The following DCC variants were observed in gnomAD, a reference collection of about 807,000 sequenced individuals.
The protein encoded by DCC is netrin receptor DCC.
A neutral mutation model predicts 172.5 loss-of-function variants in DCC; 58 were observed. That is an observed-to-expected ratio of 0.34 (90% confidence interval 0.27 to 0.42). The LOEUF (loss-of-function observed/expected upper bound fraction) is 0.42, where lower values mean the gene tolerates loss of function less well. Among genes scored for constraint, DCC ranks in the 10% least tolerant of loss-of-function variants. The probability of loss-of-function intolerance (pLI) is 1.00; values close to 1 mark genes in which losing one functional copy is unlikely to be tolerated. For synonymous variants in DCC, 709 were observed against 644.5 expected (o/e 1.10, Z -1.52); for missense variants, 1,740 against 1,791.0 (o/e 0.97, Z 0.51).
chr18:52,622,686 C>T (rs1470332189), intron 1 of DCC, among the ~76,000 whole-genome samples: 1 of 152,152 alleles, frequency 6.6e-6, no homozygotes, highest in Non-Finnish European at 1.5e-5. Flanking sequence ...GCTCACGCCA[C>T]TTATCCAGGT....
chr18:52,534,159 T>C (rs2032226707), intron 1 of DCC, among the ~76,000 whole-genome samples: 1 of 152,062 alleles, frequency 6.6e-6, no homozygotes, highest in Non-Finnish European at 1.5e-5. Flanking sequence ...TTTTTTTTCA[T>C]ATTAGGATAT....
At chr18:52,586,564 C>T (rs2033678887) in intron 1 of DCC, among the ~76,000 whole-genome samples, 1 of 152,124 alleles carries the variant, frequency 6.6e-6, no homozygotes, top group Non-Finnish European at 1.5e-5. Flanking sequence ...GGCAGCATTC[C>T]TTCCTCTGGA....
chr18:53,068,387 G>A (rs1451405637), intron 7 of DCC, among the ~76,000 whole-genome samples: 5 of 151,640 alleles, frequency 3.3e-5, no homozygotes, highest in African/African-American at 1.2e-4. Flanking sequence ...AGCATTAGAT[G>A]TATCTCCTAA....
At chr18:53,177,931 T>C (rs2055133911) in intron 8 of DCC, among the ~76,000 whole-genome samples, 1 of 152,232 alleles carries the variant, frequency 6.6e-6, no homozygotes, top group Non-Finnish European at 1.5e-5. Context: ...TTTGAAAATC[T>C]AATTTTCCCT....
chr18:52,541,911 G>GTATATATATATATA (rs2032472160), intron 1 of DCC, among the ~76,000 whole-genome samples: 1 of 100,630 alleles, frequency 9.9e-6, no homozygotes, highest in African/African-American at 3.9e-5. Context: ...ATATATATAT[G>GTATATATATATATA]TACACAATCC....
At chr18:52,462,023 A>C (rs1393620610) in intron 1 of DCC, among the ~76,000 whole-genome samples, 1 of 151,326 alleles carries the variant, frequency 6.6e-6, no homozygotes, top group Admixed American at 6.6e-5. Flanking sequence ...ACCATTTTTG[A>C]CTCTTCTGTT....
intron 5 of DCC, among the ~76,000 whole-genome samples, chr18:52,985,124 T>C (rs948676674): frequency 6.6e-6 from 1 of 152,092 alleles, no homozygotes; most frequent in Non-Finnish European, 1.5e-5. Flanking sequence ...CACGTAACTG[T>C]CATTTCAGGA....
intron 5 of DCC, among the ~76,000 whole-genome samples, chr18:52,980,149 AT>A (rs2145602777): frequency 6.6e-6 from 1 of 152,270 alleles, no homozygotes; most frequent in African/African-American, 2.4e-5. Context: ...AAAGATATGC[AT>A]TCTTTATTAG....
chr18:52,434,681 A>T (rs1987733155), intron 1 of DCC, among the ~76,000 whole-genome samples: 1 of 151,352 alleles, frequency 6.6e-6, no homozygotes, highest in African/African-American at 2.4e-5. Context: ...AAAATAGTTT[A>T]GGGTACTTGG....
At chr18:52,418,736 A>G (rs1987134899) in intron 1 of DCC, among the ~76,000 whole-genome samples, 1 of 152,098 alleles carries the variant, frequency 6.6e-6, no homozygotes, top group South Asian at 2.1e-4. Context: ...CTGCTGGCGC[A>G]TGTCATAAGC....
intron 12 of DCC, among the ~76,000 whole-genome samples, chr18:53,270,227 G>T (rs1044030284): frequency 1.3e-5 from 2 of 152,140 alleles, no homozygotes; most frequent in African/African-American, 4.8e-5. Context: ...TACCTCAAAA[G>T]AGTGCTACCC....
intron 1 of DCC, among the ~76,000 whole-genome samples, chr18:52,585,976 G>A (rs938383459): frequency 1.3e-5 from 2 of 150,234 alleles, no homozygotes; most frequent in East Asian, 2.0e-4. Context: ...CCAGCTACTC[G>A]GGAGGCTGAG....
At chr18:52,863,184 C>T (rs1245087073) in intron 2 of DCC, among the ~76,000 whole-genome samples, 1 of 151,934 alleles carries the variant, frequency 6.6e-6, no homozygotes, top group South Asian at 2.1e-4. Flanking sequence ...TTAATGAAAA[C>T]CACATTCTCA....
At chr18:52,630,450 C>T (rs540879470) in intron 1 of DCC, among the ~76,000 whole-genome samples, 30 of 152,214 alleles carry the variant, frequency 2.0e-4, no homozygotes, top group African/African-American at 6.0e-4. Flanking sequence ...TTTCCTTATT[C>T]GTAAGTAGGA....
chr18:53,233,103 G>A (rs2056147801), intron 12 of DCC, among the ~76,000 whole-genome samples: 1 of 151,802 alleles, frequency 6.6e-6, no homozygotes, highest in Non-Finnish European at 1.5e-5. Context: ...GAACTACCTT[G>A]CCTGTTCTTA....
chr18:52,699,547 T>C (rs1012605144), intron 1 of DCC, among the ~76,000 whole-genome samples: 1 of 152,212 alleles, frequency 6.6e-6, no homozygotes, highest in African/African-American at 2.4e-5. Flanking sequence ...AATATGTTAA[T>C]CAGAATATGA....
At chr18:53,059,715 G>T (rs550891705) in intron 5 of DCC, among the ~76,000 whole-genome samples, 2 of 152,002 alleles carry the variant, frequency 1.3e-5, no homozygotes, top group East Asian at 3.9e-4. Flanking sequence ...TTTATGACAA[G>T]AAAATAATAT....
chr18:52,571,653 C>T (rs2033295276), intron 1 of DCC, among the ~76,000 whole-genome samples: 1 of 152,150 alleles, frequency 6.6e-6, no homozygotes. Flanking sequence ...ACTACCTTAC[C>T]TTTGTTGCCA....
intron 2 of DCC, among the ~76,000 whole-genome samples, chr18:52,810,337 G>C (rs1340045572): frequency 2.0e-5 from 3 of 152,098 alleles, no homozygotes; most frequent in Non-Finnish European, 4.4e-5. Flanking sequence ...TGCAAGCCAG[G>C]GACCCCTGGC....
Sources: allele counts gnomAD v4.1 joint callset (sites outside exome capture counted in the v4.1 genomes callset), GRCh38; gene constraint gnomAD v4.1.1; transcripts MANE v1.5; gene names NCBI Gene and HGNC (gene_info 2026-07-23, HGNC 2026-07-21).